Variants in RBFOX1 observed in about 807,000 individuals in gnomAD.
The protein encoded by RBFOX1 is RNA binding fox-1 homolog 1.
Under a neutral mutation model 57.7 loss-of-function variants are expected in RBFOX1, and 8 were observed. The ratio of observed to expected loss-of-function variants is 0.14; its 90% CI spans 0.08 to 0.25. The LOEUF is 0.25. Among genes scored for constraint, RBFOX1 ranks in the 10% least tolerant of loss-of-function variants. The pLI is 1.00. For synonymous variants in RBFOX1, 326 were observed against 222.4 expected, an observed-to-expected ratio of 1.47 and a Z score of -4.15; for missense variants, 611 against 548.5, an observed-to-expected ratio of 1.11 and a Z score of -1.14.
intron 3 of RBFOX1, among the ~76,000 whole-genome samples, chr16:5,792,124 A>T (rs1211980739): frequency 6.6e-6 from 1 of 152,186 alleles, no homozygotes; most frequent in African/African-American, 2.4e-5. Flanking sequence ...TGGATAAGTG[A>T]TTTTAAAGCC....
At chr16:7,400,389 G>C (rs183050471) in intron 4 of RBFOX1, among the ~76,000 whole-genome samples, 1 of 152,256 alleles carries the variant, frequency 6.6e-6, no homozygotes, top group Non-Finnish European at 1.5e-5. Flanking sequence ...ACAGGGGCTA[G>C]CAGACATATT....
In RBFOX1 at chr16:6,909,375, C is replaced by T. The variant is rs377596106; in HGVS notation, c.-15-142682C>T. Among the ~76,000 whole-genome samples, 8 of 152,310 alleles carry T rather than the reference C, an allele frequency of 5.3e-5. No homozygotes were observed. In the East Asian group the frequency reaches 1.2e-3, roughly 22 times the overall value. ...TTACTTTGGGTCCACCTGGATAATC[C>T]TGGCAACTCTTCCATTTCAAGATCC... On this transcript the variant is annotated intron_variant, in intron 3 of 15. Transcript: ENST00000550418.
chr16:6,253,659 ATG>A (rs1201484314), intron 1 of RBFOX1, among the ~76,000 whole-genome samples: 18 of 137,888 alleles, frequency 1.3e-4, no homozygotes, highest in African/African-American at 1.9e-4. Flanking sequence ...AAAGAAATAG[ATG>A]TGTGTGTGTG....
intron 3 of RBFOX1, among the ~76,000 whole-genome samples, chr16:6,866,608 C>G (rs1038000848): frequency 1.6e-5 from 2 of 121,974 alleles, no homozygotes; most frequent in Admixed American, 1.1e-4. Context: ...GTGGTGCGAT[C>G]TCGGCTCACT....
At chr16:6,359,117 G>A (rs143892701) in intron 2 of RBFOX1, among the ~76,000 whole-genome samples, 4 of 151,568 alleles carry the variant, frequency 2.6e-5, no homozygotes, top group African/African-American at 9.8e-5. Context: ...TTTTGAGACG[G>A]AGTCTAGCTC....
intron 1 of RBFOX1, among the ~76,000 whole-genome samples, chr16:5,318,581 T>C (rs563796088): frequency 8.1e-5 from 8 of 98,222 alleles, no homozygotes; most frequent in Admixed American, 3.8e-4. Context: ...CATTGACTTA[T>C]ACCAAAAAAA....
chr16:7,519,889 T>A (rs2077154010), intron 5 of RBFOX1: 1 of 317,416 alleles, frequency 3.2e-6, no homozygotes, highest in South Asian at 1.3e-4. Flanking sequence ...TTTTTGTTTT[T>A]GTTTTTGTTT....
intron 4 of RBFOX1, among the ~76,000 whole-genome samples, chr16:7,325,782 C>G (rs1287914171): frequency 6.6e-6 from 1 of 152,120 alleles, no homozygotes; most frequent in African/African-American, 2.4e-5. Flanking sequence ...CCTTTTGTAG[C>G]CATCCTCTCC....
intron 3 of RBFOX1, among the ~76,000 whole-genome samples, chr16:6,997,763 A>C: frequency 6.6e-6 from 1 of 152,162 alleles, no homozygotes; most frequent in South Asian, 2.1e-4. Context: ...TTGTTCTCAC[A>C]ACTACAGACT....
chr16:7,575,608 T>C (rs1340520588), intron 5 of RBFOX1, among the ~76,000 whole-genome samples: 1 of 152,108 alleles, frequency 6.6e-6, no homozygotes. Context: ...CTAGAGCCTC[T>C]AGAGGAAGTG....
intron 1 of RBFOX1, among the ~76,000 whole-genome samples, chr16:5,267,290 C>T (rs1227339808): frequency 7.9e-6 from 1 of 125,844 alleles, no homozygotes. Flanking sequence ...AAGGCCCACA[C>T]ATAAGGGTTT....
intron 4 of RBFOX1, among the ~76,000 whole-genome samples, chr16:7,106,030 G>T (rs1305434698): frequency 6.6e-6 from 1 of 152,160 alleles, no homozygotes; most frequent in African/African-American, 2.4e-5. Context: ...ACTCTCTGGT[G>T]TTCATGGGAC....
intron 6 of RBFOX1, among the ~76,000 whole-genome samples, chr16:7,585,914 C>T (rs1200637352): frequency 6.6e-6 from 1 of 152,042 alleles, no homozygotes; most frequent in Non-Finnish European, 1.5e-5. Context: ...TTTTATCCTG[C>T]CCCACCCCTC....
rs183716215 is a variant in RBFOX1, at chr16:6,754,767, A to G, written c.-16+100117A>G. ...TGTGCACAATGTGCAGGTTAGTTAC[A>G]TATGTATACATGTGCCATGCTGGTG... On this transcript the variant is annotated intron_variant, in intron 3 of 15. Coordinates refer to ENST00000550418, the MANE Select transcript of RBFOX1 (RefSeq NM_018723.4). Among the ~76,000 whole-genome samples, 185 of 152,140 alleles carry G rather than the reference A, an allele frequency of 1.2e-3. 4 individuals carry two copies. The highest frequency in any genetic ancestry group is 6.4e-3 in the Admixed American group (97 of 15,264).
At chr16:5,679,602 T>A (rs1367668945) in intron 3 of RBFOX1, among the ~76,000 whole-genome samples, 1 of 152,186 alleles carries the variant, frequency 6.6e-6, no homozygotes, top group Non-Finnish European at 1.5e-5. Context: ...GAACATGCAG[T>A]GTCTGGTTTT....
chr16:7,260,479 T>C (rs1458688556), intron 4 of RBFOX1, among the ~76,000 whole-genome samples: 2 of 152,134 alleles, frequency 1.3e-5, no homozygotes, highest in Admixed American at 6.5e-5. Context: ...TGATTTTTTT[T>C]TTCGTGCATA....
intron 15 of RBFOX1, 76 bp downstream of exon 15, chr16:7,709,207 T>G: frequency 7.4e-7 from 1 of 1,344,392 alleles, no homozygotes; most frequent in Non-Finnish European, 1.0e-6. Flanking sequence ...TCAGTACGGG[T>G]TGACGTCCTC....
rs765045845 is a variant in RBFOX1, at chr16:6,241,477, A to G, written c.-126-75518A>G. Among the ~76,000 whole-genome samples, 11 of 152,214 alleles carry G rather than the reference A, an allele frequency of 7.2e-5. 1 individual carries two copies. The highest frequency in any genetic ancestry group is 1.5e-4 in the Non-Finnish European group (10 of 68,042). On this transcript the variant is annotated intron_variant, in intron 1 of 15. Transcript: ENST00000550418. The stretch of plus-strand genomic sequence containing the variant: ...ATAAATAGCTAAAAAAAAATCAGAC[A>G]TGACTGCTGTGGATTCTTTTGAAAG...
chr16:6,710,488 C>G (rs2063528995), intron 3 of RBFOX1, among the ~76,000 whole-genome samples: 1 of 152,180 alleles, frequency 6.6e-6, no homozygotes, highest in Non-Finnish European at 1.5e-5. Flanking sequence ...CAGTGCACCT[C>G]CATTTAAACT....
Sources: gnomAD v4.1 joint callset for allele counts (sites outside exome capture counted in the v4.1 genomes callset) on GRCh38, gnomAD v4.1.1 for gene constraint, MANE v1.5 for transcripts, NCBI Gene and HGNC (gene_info 2026-07-23, HGNC 2026-07-21) for gene names.